EPB41L3: variants seen among roughly 807,000 people sequenced by gnomAD.
EPB41L3 encodes the protein erythrocyte membrane protein band 4.1 like 3.
In EPB41L3, 57 loss-of-function variants were observed where a neutral mutation model predicts 127.1. The ratio of observed to expected loss-of-function variants is 0.45; its 90% CI spans 0.36 to 0.56. EPB41L3 has a LOEUF of 0.56. Ranked by LOEUF, EPB41L3 falls within the 20% of genes least tolerant of loss-of-function variation. The pLI is 0.00. For missense variants in EPB41L3, 1,273 were observed against 1,372.2 expected (o/e 0.93, Z 1.14); for synonymous variants, 572 against 549.5 (o/e 1.04, Z -0.57).
At chr18:5,547,316 GA>G (rs1032932265), upstream of EPB41L3, among the ~76,000 whole-genome samples, 1 of 152,216 alleles carries the variant, frequency 6.6e-6, no homozygotes, top group Non-Finnish European at 1.5e-5. Context: ...ATAAGTTATA[GA>G]AAAGTAGTTC....
At chr18:5,422,090 G>A (rs2077544015) in intron 11 of EPB41L3, among the ~76,000 whole-genome samples, 1 of 151,922 alleles carries the variant, frequency 6.6e-6, no homozygotes, top group Non-Finnish European at 1.5e-5. Context: ...CCCGTCAAAG[G>A]CGGCCTTATT....
In EPB41L3 at chr18:5,398,116, T is replaced by C. The variant is rs1382093445; in HGVS notation, c.2377A>G (p.Met793Val). 6.2e-7 allele frequency: 1 copy of C among 1,614,102 alleles called. No individual in the cohort carries two copies. Among genetic ancestry groups the C allele is most frequent in the Non-Finnish European group, 8.5e-7 (1 of 1,180,000 alleles). The change falls in exon 17 of 23, where the codon ATG becomes GTG. Residue 793 changes from methionine to valine, a missense_variant. This residue lies in a region of EPB41L3 where 765 missense variants were observed against 782.9 expected (regional missense o/e 0.98). Transcript: ENST00000341928. ...AAACTGAAGATTTCAGAGCCATCCATGAGCTTTTCCCCAGAAGACTGCTTA... is the reference window on the plus strand; with the variant it reads ...AAACTGAAGATTTCAGAGCCATCCACGAGCTTTTCCCCAGAAGACTGCTTA... ...ETKQSSGEKL[M>V]DGSEIFSLLE...
intron 12 of EPB41L3, among the ~76,000 whole-genome samples, chr18:5,417,784 G>C (rs2077005919): frequency 6.6e-6 from 1 of 152,138 alleles, no homozygotes; most frequent in African/African-American, 2.4e-5. Context: ...CCACACATTT[G>C]CATTTGACAT....
At chr18:5,549,179 A>G (rs2093928642), upstream of EPB41L3, among the ~76,000 whole-genome samples, 1 of 152,224 alleles carries the variant, frequency 6.6e-6, no homozygotes, top group African/African-American at 2.4e-5. Context: ...CTCTAAGGAA[A>G]AAGCATTAGC....
chr18:5,436,974 T>G (rs2079935152), intron 6 of EPB41L3, among the ~76,000 whole-genome samples: 1 of 152,194 alleles, frequency 6.6e-6, no homozygotes, highest in Admixed American at 6.5e-5. Context: ...CCAAAAAGAA[T>G]GCAAAGCTTA....
intron 1 of EPB41L3, among the ~76,000 whole-genome samples, chr18:5,622,981 T>C (rs1406017068): frequency 8.0e-6 from 1 of 125,338 alleles, no homozygotes; most frequent in East Asian, 2.8e-4. Flanking sequence ...TTTTTTTAGC[T>C]ATCAGACCAG....
Position 5,419,838 on chromosome 18 carries a change from G to A in EPB41L3, c.1379C>T (p.Ser460Phe), listed in dbSNP as rs2077255316. 1 of 1,614,110 alleles carries A rather than the reference G, an allele frequency of 6.2e-7. No homozygotes were observed. Among genetic ancestry groups the A allele is most frequent in the Non-Finnish European group, 8.5e-7 (1 of 1,180,046 alleles). Residue 460 changes from serine to phenylalanine, a missense_variant, in exon 12 of 23, where the codon TCT becomes TTT. By Grantham distance (155) the Ser-to-Phe change is radical. Coordinates refer to ENST00000341928, the MANE Select transcript of EPB41L3 (RefSeq NM_012307.5). ...TGQYATTKGI[S>F]QTNLITTVTP... Reference sequence around the variant, plus strand: ...CACAGTGGTGATCAAGTTGGTCTGAGAGATGCCTTTTGTTGTGGCGTACTG... The same window carrying A: ...CACAGTGGTGATCAAGTTGGTCTGAAAGATGCCTTTTGTTGTGGCGTACTG...
intron 3 of EPB41L3, among the ~76,000 whole-genome samples, chr18:5,609,865 A>T (rs980322313): frequency 4.6e-5 from 7 of 151,848 alleles, no homozygotes; most frequent in Non-Finnish European, 7.4e-5. Flanking sequence ...TGTGGTATAA[A>T]CCCAAAAAAA....
At chr18:5,569,079 C>A (rs2094244615) in intron 3 of EPB41L3, among the ~76,000 whole-genome samples, 1 of 152,192 alleles carries the variant, frequency 6.6e-6, no homozygotes. Flanking sequence ...GACTGCCTAG[C>A]ATTTTAGAAC....
At chr18:5,548,207 C>T (rs1023312445), upstream of EPB41L3, among the ~76,000 whole-genome samples, 11 of 152,262 alleles carry the variant, frequency 7.2e-5, no homozygotes, top group East Asian at 1.7e-3. Context: ...AAGAGAAATA[C>T]AGGGATGAAT....
At chr18:5,504,018 C>A (rs1230452102) in intron 1 of EPB41L3, among the ~76,000 whole-genome samples, 1 of 152,154 alleles carries the variant, frequency 6.6e-6, no homozygotes, top group African/African-American at 2.4e-5. Context: ...CATCTTATTT[C>A]CTCTTCTTTC....
chr18:5,538,433 T>G (rs1294889402), intron 1 of EPB41L3, among the ~76,000 whole-genome samples: 7 of 152,260 alleles, frequency 4.6e-5, no homozygotes, highest in Admixed American at 3.3e-4. Context: ...CTGAGAGCCA[T>G]GTAAGACATA....
intron 1 of EPB41L3, among the ~76,000 whole-genome samples, chr18:5,521,721 G>A (rs2148819408): frequency 6.6e-6 from 1 of 152,190 alleles, no homozygotes; most frequent in Admixed American, 6.5e-5. Context: ...GATGTTACAG[G>A]CTTAGAGATA....
At chr18:5,494,396 G>T (rs113216256) in intron 1 of EPB41L3, among the ~76,000 whole-genome samples, 13 of 152,184 alleles carry the variant, frequency 8.5e-5, no homozygotes, top group Admixed American at 5.2e-4. Flanking sequence ...AGTGGCTCAC[G>T]CCTGTAATCC....
intron 1 of EPB41L3, among the ~76,000 whole-genome samples, chr18:5,623,751 G>A (rs1179120104): frequency 6.6e-6 from 1 of 151,124 alleles, no homozygotes; most frequent in African/African-American, 2.4e-5. Context: ...AAGTTCAAGT[G>A]ATTCTCATGC....
intron 3 of EPB41L3, among the ~76,000 whole-genome samples, chr18:5,474,407 C>T (rs1435786367): frequency 6.6e-6 from 1 of 152,108 alleles, no homozygotes; most frequent in Non-Finnish European, 1.5e-5. Context: ...CAGATAACTA[C>T]TCCTTCTATC....
chr18:5,525,356 G>C (rs2093179387), intron 1 of EPB41L3, among the ~76,000 whole-genome samples: 1 of 152,168 alleles, frequency 6.6e-6, no homozygotes, highest in Admixed American at 6.5e-5. Flanking sequence ...ACAAAGAATA[G>C]TAATATTAAT....
intron 22 of EPB41L3, chr18:5,393,687 G>T (rs4258718): frequency 0.088 from 38,983 of 444,616 alleles, 3,360 homozygotes; most frequent in African/African-American, 0.32. Flanking sequence ...GAAGAAATCT[G>T]TTTTATTTTT....
chr18:5,484,999 T>G (rs1464504619), intron 2 of EPB41L3, among the ~76,000 whole-genome samples: 2 of 151,104 alleles, frequency 1.3e-5, no homozygotes, highest in Non-Finnish European at 3.0e-5. Context: ...AAGGTCAATA[T>G]TACTCTGATA....
Sources: allele counts gnomAD v4.1 joint callset (sites outside exome capture counted in the v4.1 genomes callset), GRCh38; gene constraint gnomAD v4.1.1; regional missense constraint gnomAD v4.1.1; transcripts MANE v1.5; gene names NCBI Gene and HGNC (gene_info 2026-07-23, HGNC 2026-07-21).